PCDHGB4: variants seen among roughly 807,000 people sequenced by gnomAD.
The protein encoded by PCDHGB4 is protocadherin gamma subfamily B, 4.
In PCDHGB4, 38 loss-of-function variants were observed where a neutral mutation model predicts 60.5. The ratio of observed to expected loss-of-function variants is 0.63; its 90% CI spans 0.48 to 0.82. The LOEUF (loss-of-function observed/expected upper bound fraction) is 0.82, where lower values mean the gene tolerates loss of function less well. Ranked by LOEUF, PCDHGB4 falls within the 40% of genes least tolerant of loss-of-function variation. The pLI, the probability that PCDHGB4 is intolerant of heterozygous loss-of-function variation, is 0.00. For missense variants in PCDHGB4, 1,109 were observed against 1,209.6 expected (o/e 0.92, Z 1.23); for synonymous variants, 456 against 509.7 (o/e 0.89, Z 1.42).
At chr5:141,418,463 C>G in intron 1 of PCDHGB4, 1 of 1,613,944 alleles carries the variant, frequency 6.2e-7, no homozygotes, top group South Asian at 1.1e-5. Context: ...GACTCTGGAC[C>G]GAGAAACGCA....
chr5:141,500,937 C>G (rs910002814), intron 2 of PCDHGB4, among the ~76,000 whole-genome samples: 1 of 151,804 alleles, frequency 6.6e-6, no homozygotes, highest in Non-Finnish European at 1.5e-5. Context: ...GGCGCCATCT[C>G]GGCTCACTGC....
At chr5:141,499,300 C>G (rs2154592463) in intron 2 of PCDHGB4, among the ~76,000 whole-genome samples, 1 of 152,292 alleles carries the variant, frequency 6.6e-6, no homozygotes, top group South Asian at 2.1e-4. Context: ...ACTACCATCC[C>G]TCCTCTGAGA....
chr5:141,454,691 C>T (rs745856768), intron 1 of PCDHGB4, among the ~76,000 whole-genome samples: 5 of 152,038 alleles, frequency 3.3e-5, no homozygotes, highest in Non-Finnish European at 5.9e-5. Flanking sequence ...CAGGCATGAG[C>T]CACCATGCTC....
rs767580455 is a variant in PCDHGB4 at position 141,402,948 on chromosome 5, C to G, written c.2397+12667C>G. The G allele has an allele frequency of 7.5e-6, 12 of 1,592,864 alleles. No individual in the cohort carries two copies. In the African/African-American group the frequency reaches 1.2e-4, roughly 16 times the overall value. On this transcript the variant is annotated intron_variant, in intron 1 of 3. Transcript: ENST00000519479. ...CTTTTGAGAAAATTCCAAAGCGAGG[C>G]AGCAATGGCAGCTCCAACCAAATGC... is the stretch of plus-strand genomic sequence containing the variant.
In PCDHGB4 at chr5:141,476,321, G is replaced by GT; in HGVS notation, c.2398-18485dup. ...CCTCTCAGCCCGCAGGTTCCGGGTG[G>GT]TGTCTGGAGCTAGCCGAAGATTCTT... On this transcript the variant is annotated intron_variant, in intron 1 of 3. Coordinates refer to ENST00000519479, the MANE Select transcript of PCDHGB4 (RefSeq NM_003736.4). The surrounding 1 kb of genome is among the most constrained non-coding windows in gnomAD (Gnocchi z 7.6). The GT allele has an allele frequency of 6.2e-7, 1 of 1,614,196 alleles. No individual in the cohort carries two copies. Among genetic ancestry groups the GT allele is most frequent in the Non-Finnish European group, 8.5e-7 (1 of 1,180,050 alleles).
chr5:141,394,946 T>A (rs759854662), intron 1 of PCDHGB4: 1 of 1,613,768 alleles, frequency 6.2e-7, no homozygotes, highest in East Asian at 2.2e-5. Flanking sequence ...TCGCTGTGCT[T>A]CTGGGGCTCA....
At chr5:141,422,301 G>A (rs777697738) in intron 1 of PCDHGB4, 36 of 1,549,184 alleles carry the variant, frequency 2.3e-5, no homozygotes, top group Non-Finnish European at 3.1e-5. Flanking sequence ...ATTCAATTCT[G>A]GAAAACTCTC....
chr5:141,473,237 A>C (rs2099317600), intron 1 of PCDHGB4, among the ~76,000 whole-genome samples: 1 of 152,194 alleles, frequency 6.6e-6, no homozygotes, highest in African/African-American at 2.4e-5. Context: ...GATCCACACA[A>C]GTGAATACAT....
rs774858191 is a variant in PCDHGB4 at position 141,413,689 on chromosome 5, C to T, written c.2397+23408C>T. On this transcript the variant is annotated intron_variant, in intron 1 of 3. Transcript: ENST00000519479. Reference sequence around the variant, plus strand: ...TCCGGATGTGGGCGTGAACTCCCTGCAGAGCTATCAGCTCAGCCCCAATAA... The same window carrying T: ...TCCGGATGTGGGCGTGAACTCCCTGTAGAGCTATCAGCTCAGCCCCAATAA... 6 of 1,613,800 alleles carry T rather than the reference C, an allele frequency of 3.7e-6. No individual in the cohort carries two copies. The Admixed American group carries it at 5.0e-5, about 13-fold the overall frequency.
At chr5:141,415,081 C>T in intron 1 of PCDHGB4, 1 of 1,613,522 alleles carries the variant, frequency 6.2e-7, no homozygotes, top group Non-Finnish European at 8.5e-7. Context: ...GGCGCGAGCC[C>T]TGCTGGACAG....
chr5:141,418,513 G>A (rs377653202), intron 1 of PCDHGB4: 1 of 1,613,960 alleles, frequency 6.2e-7, no homozygotes, highest in Non-Finnish European at 8.5e-7. Flanking sequence ...TAGATGGTGG[G>A]GACCCTCCCC....
intron 1 of PCDHGB4, among the ~76,000 whole-genome samples, chr5:141,462,355 A>T (rs1592773702): frequency 6.6e-6 from 1 of 152,226 alleles, no homozygotes; most frequent in East Asian, 1.9e-4. Context: ...AAAAATATAC[A>T]TTGTATAGTT....
rs1423427104 is a variant in PCDHGB4, at chr5:141,417,737, C to T, written c.2397+27456C>T. 5 of 1,407,068 alleles carry T rather than the reference C, an allele frequency of 3.6e-6. No homozygotes were observed. In the African/African-American group the frequency reaches 7.2e-5, roughly 20 times the overall value. 87.2% of individuals were successfully genotyped at this position (1,407,068 alleles called of 1,614,324 possible). ...CCGGCTGCGCAGACCTTGCCCAGCA[C>T]ACCAGATTGCCAGCTCCGAGACCCG... is the stretch of plus-strand genomic sequence containing the variant. On this transcript the variant is annotated intron_variant, in intron 1 of 3. Transcript: ENST00000519479.
At chr5:141,421,081 A>G (rs775366249) in intron 1 of PCDHGB4, 61 of 637,820 alleles carry the variant, frequency 9.6e-5, no homozygotes, top group Non-Finnish European at 1.4e-4. Flanking sequence ...ATGGATACTC[A>G]CAGATCCTGA....
At chr5:141,488,705 G>C (rs1024064135) in intron 1 of PCDHGB4, among the ~76,000 whole-genome samples, 8 of 152,200 alleles carry the variant, frequency 5.3e-5, no homozygotes, top group Non-Finnish European at 1.2e-4. Context: ...AGATTTTGCT[G>C]GTTCAAGCAA....
intron 1 of PCDHGB4, among the ~76,000 whole-genome samples, chr5:141,433,837 C>CAAAAAAAA (rs56191208): frequency 1.9e-4 from 21 of 111,692 alleles, no homozygotes; most frequent in Admixed American, 5.9e-4. Context: ...AACTCTATCT[C>CAAAAAAAA]AAAAAAAAAA....
intron 1 of PCDHGB4, chr5:141,421,090 G>C (rs552694052): frequency 1.5e-6 from 1 of 661,192 alleles, no homozygotes; most frequent in Admixed American, 3.2e-5. Context: ...CACAGATCCT[G>C]ACACTGGAGA....
In PCDHGB4 at chr5:141,489,365, G is replaced by A. The variant is rs774363104; in HGVS notation, c.2398-5442G>A. ...TCAGTGGTGGAGGAGTCTGAGCCGG[G>A]GACGCTGGTGGGGAATGTTGCTCAG... On this transcript the variant is annotated intron_variant, in intron 1 of 3. Transcript: ENST00000519479. The surrounding 1 kb of genome is among the most constrained non-coding windows in gnomAD (Gnocchi z 4.5). The A allele has an allele frequency of 6.2e-7, 1 of 1,613,512 alleles. No individual in the cohort carries two copies.
In PCDHGB4 at chr5:141,493,664, G is replaced by A. The variant is rs2099749444; in HGVS notation, c.2398-1143G>A. Reference sequence around the variant, plus strand: ...TGGCCATCCCTGTGCCCTTCTCCATGGCAGCCCCAGAATGGTGCTGGTGAC... The same window carrying A: ...TGGCCATCCCTGTGCCCTTCTCCATAGCAGCCCCAGAATGGTGCTGGTGAC... On this transcript the variant is annotated intron_variant, in intron 1 of 3. Coordinates refer to ENST00000519479, the MANE Select transcript of PCDHGB4 (RefSeq NM_003736.4). This position sits in a 1 kb window ranked among gnomAD's most constrained non-coding sequence, Gnocchi z 4.3. Among the ~76,000 whole-genome samples, 1 of 152,136 alleles carries A rather than the reference G, an allele frequency of 6.6e-6. No homozygotes were observed. Among genetic ancestry groups the A allele is most frequent in the Non-Finnish European group, 1.5e-5 (1 of 68,026 alleles).
Sources: gnomAD v4.1 joint callset for allele counts (sites outside exome capture counted in the v4.1 genomes callset) on GRCh38, gnomAD v4.1.1 for gene constraint, Gnocchi (gnomAD v3.1) non-coding constraint, MANE v1.5 for transcripts, NCBI Gene and HGNC (gene_info 2026-07-23, HGNC 2026-07-21) for gene names.